TSNAXIP1: variants seen among roughly 807,000 people sequenced by gnomAD.
TSNAXIP1 encodes translin associated factor X interacting protein 1, also known as translin-associated factor X-interacting protein 1.
Under a neutral mutation model 84.8 loss-of-function variants are expected in TSNAXIP1, and 89 were observed. The observed-to-expected ratio is 1.05, with a 90% CI of 0.88 to 1.25. TSNAXIP1 has a LOEUF of 1.25. Among genes scored for constraint, TSNAXIP1 ranks in the 50% most tolerant of loss-of-function variants. The probability of loss-of-function intolerance (pLI) is 0.00; values close to 1 mark genes in which losing one functional copy is unlikely to be tolerated. For synonymous variants in TSNAXIP1, 347 were observed against 335.2 expected (o/e 1.04, Z -0.39); for missense variants, 874 against 887.6 (o/e 0.98, Z 0.20).
At position 67,827,302 on chromosome 16, in the gene TSNAXIP1, T is replaced by C. The variant is rs1324468498; in HGVS notation, c.1718T>C (p.Leu573Pro). Residue 573 changes from leucine (L) to proline (P), a missense_variant, in exon 14 of 16, where the codon CTG becomes CCG. Transcript: ENST00000561639. ...AAGACAGAAGAGCAAATCCAGGAGCTGATGGAGGCAGGGGGCTGGCATCCC... is the reference window on the plus strand; with the variant it reads ...AAGACAGAAGAGCAAATCCAGGAGCCGATGGAGGCAGGGGGCTGGCATCCC... ...PLKTEEQIQE[L>P]MEAGGWHPSS... 1 of 1,614,066 alleles carries C rather than the reference T, an allele frequency of 6.2e-7. No individual in the cohort carries two copies. Among genetic ancestry groups the C allele is most frequent in the Admixed American group, 1.7e-5 (1 of 60,004 alleles).
At chr16:67,819,910 C>T (rs2056901635) in intron 2 of TSNAXIP1, among the ~76,000 whole-genome samples, 1 of 150,966 alleles carries the variant, frequency 6.6e-6, no homozygotes, top group African/African-American at 2.4e-5. Flanking sequence ...ACTCCGCCTC[C>T]TGGGTTCATG....
At position 67,827,078 on chromosome 16, in the gene TSNAXIP1, A is replaced by C; in HGVS notation, c.1664+6A>C. ...CTAACCATGGAGCAGTTCAAGTGAG[A>C]GGCCAGTCCAGGCTACCCCCAACTC... is the stretch of plus-strand genomic sequence containing the variant. On this transcript the variant is annotated splice_donor_region_variant and intron_variant, in intron 13 of 15. Coordinates refer to ENST00000561639, the MANE Select transcript of TSNAXIP1 (RefSeq NM_001288990.3). 1 of 1,613,380 alleles carries C rather than the reference A, an allele frequency of 6.2e-7. No individual in the cohort carries two copies. The highest frequency in any genetic ancestry group is 8.5e-7 in the Non-Finnish European group (1 of 1,179,680).
In TSNAXIP1 at chr16:67,807,122, G is replaced by A. The variant is rs2055506456; in HGVS notation, c.-28G>A. 6.5e-7 allele frequency: 1 copy of A among 1,533,634 alleles called. No individual in the cohort carries two copies. The highest frequency in any genetic ancestry group is 2.0e-5 in the Admixed American group (1 of 50,958). The stretch of plus-strand genomic sequence containing the variant: ...GCTACCACAGCTTCCCAGGCCGCGG[G>A]TGCTGATTGCCCGCCTGCCCGTGGG... On this transcript the variant is annotated 5_prime_UTR_variant, in exon 1 of 16. In the 5' UTR this introduces an upstream ATG that the reference lacks. Coordinates refer to ENST00000561639, the MANE Select transcript of TSNAXIP1 (RefSeq NM_001288990.3).
rs536972518 is a variant in TSNAXIP1 at position 67,817,442 on chromosome 16, G to A, written c.147+3041G>A. 3.8e-4 allele frequency among the ~76,000 whole-genome samples: 55 copies of A among 145,394 alleles called. 2 individuals are homozygous for A. The South Asian group carries it at 0.012, about 33-fold the overall frequency. On this transcript the variant is annotated intron_variant, in intron 2 of 15. Coordinates refer to ENST00000561639, the MANE Select transcript of TSNAXIP1 (RefSeq NM_001288990.3). ...ATTACAGGCGTGAGCCACCGCGCCC[G>A]GCCATTTTTTGCGTTTTTAGTAGAG...
At chr16:67,825,545 AC>A (rs942072967) in intron 7 of TSNAXIP1, 121 bp from the exon 8 acceptor site, 1 of 1,374,946 alleles carries the variant, frequency 7.3e-7, no homozygotes, top group African/African-American at 1.4e-5. Context: ...TTAGCCTGAA[AC>A]CCTAGGCTGG....
Position 67,825,141 on chromosome 16 carries a change from C to T in TSNAXIP1, c.683C>T (p.Thr228Ile), listed in dbSNP as rs1340521101. The change falls in exon 7 of 16, where the codon ACC (threonine) becomes ATC (isoleucine). Residue 228 changes from threonine (T) to isoleucine (I), a missense_variant. Coordinates refer to ENST00000561639, the MANE Select transcript of TSNAXIP1 (RefSeq NM_001288990.3). ...EEKISLQSEV[T>I]KLRKNLAEEY... Reference sequence around the variant, plus strand: ...ACACAGCCACCTTCTTGCCAGGTGACCAAACTGAGGAAGAACTTGGCTGAG... The same window carrying T: ...ACACAGCCACCTTCTTGCCAGGTGATCAAACTGAGGAAGAACTTGGCTGAG... 6.2e-7 allele frequency: 1 copy of T among 1,613,804 alleles called. No individual in the cohort carries two copies. The highest frequency in any genetic ancestry group is 1.3e-5 in the African/African-American group (1 of 75,050).
chr16:67,821,088 G>A lies in TSNAXIP1; in HGVS notation c.261-11G>A. 1 of 1,613,292 alleles carries A rather than the reference G, an allele frequency of 6.2e-7. No individual in the cohort carries two copies. The highest frequency in any genetic ancestry group is 8.5e-7 in the Non-Finnish European group (1 of 1,179,782). On this transcript the variant is annotated splice_polypyrimidine_tract_variant and intron_variant, in intron 3 of 15. Coordinates refer to ENST00000561639, the MANE Select transcript of TSNAXIP1 (RefSeq NM_001288990.3). ...GGGTGCTGGCCACATATCAGCCACTGTCCCCTGCAGGAGCTGCCAGCAGCA... is the reference window on the plus strand; with the variant it reads ...GGGTGCTGGCCACATATCAGCCACTATCCCCTGCAGGAGCTGCCAGCAGCA...
At chr16:67,809,420 C>T (rs2055830850) in intron 1 of TSNAXIP1, among the ~76,000 whole-genome samples, 1 of 150,356 alleles carries the variant, frequency 6.7e-6, no homozygotes, top group African/African-American at 2.5e-5. Flanking sequence ...GATCATGCCA[C>T]TGCACTCCAG....
In TSNAXIP1 at chr16:67,826,490, CAAG is replaced by C. The variant is rs754944781; in HGVS notation, c.1333_1335del (p.Lys445del). ...TTCGGTTTGATGGCCTCGTGGAGAA[CAAG>C]AAGCCAAGCAAGAAGGACGTGGTCA... On this transcript the variant is annotated inframe_deletion, in exon 11 of 16. Transcript: ENST00000561639. 6.8e-6 allele frequency: 11 copies of C among 1,613,990 alleles called. No homozygotes were observed. In the South Asian group the frequency reaches 7.7e-5, roughly 11 times the overall value.
intron 2 of TSNAXIP1, among the ~76,000 whole-genome samples, chr16:67,820,326 G>A (rs574741273): frequency 2.0e-5 from 3 of 152,284 alleles, no homozygotes; most frequent in African/African-American, 4.8e-5. Context: ...TTTTACAGAC[G>A]TGAGAACTAA....
intron 1 of TSNAXIP1, among the ~76,000 whole-genome samples, chr16:67,813,594 G>A (rs930829973): frequency 6.6e-6 from 1 of 151,056 alleles, no homozygotes; most frequent in Non-Finnish European, 1.5e-5. Flanking sequence ...TTATCCATGC[G>A]TGGTGGCAGG....
chr16:67,822,047 G>A (rs1036559852), intron 4 of TSNAXIP1, among the ~76,000 whole-genome samples: 8 of 151,782 alleles, frequency 5.3e-5, no homozygotes, highest in African/African-American at 1.9e-4. Flanking sequence ...GGGAGGCCGA[G>A]GCAGGCGGAT....
intron 2 of TSNAXIP1, 31 bp from the exon 3 acceptor site, chr16:67,820,808 C>T (rs1432546912): frequency 2.1e-6 from 3 of 1,461,604 alleles, no homozygotes. Context: ...AGCAATGTTG[C>T]CATGGCAACC....
Position 67,826,557 on chromosome 16 carries a change from G to C in TSNAXIP1, c.1396G>C (p.Glu466Gln). 6 of 1,614,144 alleles carry C rather than the reference G, an allele frequency of 3.7e-6. No homozygotes were observed. Among genetic ancestry groups the C allele is most frequent in the Non-Finnish European group, 5.1e-6 (6 of 1,180,006 alleles). Residue 466 changes from glutamate (E) to glutamine (Q), a missense_variant, in exon 11 of 16, where the codon GAG (glutamate) becomes CAG (glutamine). By Grantham distance (29) the Glu-to-Gln change is conservative. Coordinates refer to ENST00000561639, the MANE Select transcript of TSNAXIP1 (RefSeq NM_001288990.3). Reference sequence around the variant, plus strand: ...TGCCTGGAAGGAACGTCTTGCTGAGGAGCAGGTCAGATCTCACCAGCCACT... The same window carrying C: ...TGCCTGGAAGGAACGTCTTGCTGAGCAGCAGGTCAGATCTCACCAGCCACT... ...KDAWKERLAEEQKETFPDFFF... is the reference protein window; with the variant it reads ...KDAWKERLAEQQKETFPDFFF...
rs2057434596 is a variant in TSNAXIP1, at chr16:67,826,231, G to C, written c.1224G>C (p.Leu408=). The part of the protein sequence containing the change: ...KNSDQLVDVL[L]EEIGSGLLRE... ...GCGACCAGCTGGTGGACGTGCTCCT[G>C]GAAGAGATTGGTTCGGGGCTGCTGC... Residue 408 remains leucine, a synonymous_variant, in exon 10 of 16, where the codon CTG becomes CTC. Transcript: ENST00000561639. The C allele has an allele frequency of 1.3e-6, 2 of 1,599,906 alleles. No individual in the cohort carries two copies. Among genetic ancestry groups the C allele is most frequent in the South Asian group, 1.1e-5 (1 of 88,634 alleles).
chr16:67,810,886 C>T (rs568467041), intron 1 of TSNAXIP1, among the ~76,000 whole-genome samples: 10 of 151,752 alleles, frequency 6.6e-5, no homozygotes, highest in Middle Eastern at 6.8e-3. Flanking sequence ...ACTATAGGCG[C>T]GTGCCACCAC....
Position 67,826,085 on chromosome 16 carries a change from A to G in TSNAXIP1, c.1144+9A>G. The G allele has an allele frequency of 6.2e-7, 1 of 1,613,426 alleles. No homozygotes were observed. The highest frequency in any genetic ancestry group is 8.5e-7 in the Non-Finnish European group (1 of 1,180,012). Reference sequence around the variant, plus strand: ...CTGGACCAAGTGCAAAGGTGAGGGCAGCCGGCAGGGCCCCAGGTCCTGCTT... The same window carrying G: ...CTGGACCAAGTGCAAAGGTGAGGGCGGCCGGCAGGGCCCCAGGTCCTGCTT... On this transcript the variant is annotated intron_variant, in intron 9 of 15. Transcript: ENST00000561639.
At chr16:67,811,081 C>T (rs2056029666) in intron 1 of TSNAXIP1, among the ~76,000 whole-genome samples, 1 of 152,156 alleles carries the variant, frequency 6.6e-6, no homozygotes. Context: ...CTCTTAGCCT[C>T]CCTGAGAGCT....
intron 1 of TSNAXIP1, among the ~76,000 whole-genome samples, chr16:67,811,591 G>A (rs924598922): frequency 6.6e-6 from 1 of 151,578 alleles, no homozygotes; most frequent in Non-Finnish European, 1.5e-5. Context: ...ACAGGTGCCC[G>A]CCACCACACC....
Sources: gnomAD v4.1 joint callset for allele counts (sites outside exome capture counted in the v4.1 genomes callset) on GRCh38, gnomAD v4.1.1 for gene constraint, MANE v1.5 for transcripts, NCBI Gene and HGNC (gene_info 2026-07-23, HGNC 2026-07-21) for gene names.